Variants in SRGAP3 observed in about 807,000 individuals in gnomAD.
SRGAP3 encodes SLIT-ROBO Rho GTPase-activating protein 3.
SRGAP3 carries 39 observed loss-of-function variants against 121.1 expected under a neutral mutation model. The observed-to-expected ratio is 0.32, with a 90% CI of 0.25 to 0.42. The LOEUF (loss-of-function observed/expected upper bound fraction) is 0.42, where lower values mean the gene tolerates loss of function less well. Ranked by LOEUF, SRGAP3 falls within the 10% of genes least tolerant of loss-of-function variation. The pLI is 1.00. For synonymous variants in SRGAP3, 601 were observed against 570.0 expected, an observed-to-expected ratio of 1.05 and a Z score of -0.77; for missense variants, 1,213 against 1,470.6, an observed-to-expected ratio of 0.82 and a Z score of 2.86.
Position 9,126,539 on chromosome 3 carries a change from A to T in SRGAP3, c.68-1622T>A, listed in dbSNP as rs1281602212. Among the ~76,000 whole-genome samples, 3 of 152,154 alleles carry T rather than the reference A, an allele frequency of 2.0e-5. No individual in the cohort carries two copies. In the East Asian group the frequency reaches 5.8e-4, roughly 29 times the overall value. On this transcript the variant is annotated intron_variant, in intron 1 of 21. Transcript: ENST00000383836. ...CAGCTACTCTGGAGGCTGGGGCAGG[A>T]GAATCACTTGAACCCAGAAGGTGGA...
rs143988814 is a variant in SRGAP3 at position 9,171,302 on chromosome 3, A to G, written c.68-46385T>C. Among the ~76,000 whole-genome samples, 3 of 152,368 alleles carry G rather than the reference A, an allele frequency of 2.0e-5. No individual in the cohort carries two copies. In the East Asian group the frequency reaches 5.8e-4, roughly 29 times the overall value. ...CAAGTTCAGAGGCAGCCTCCAGCGC[A>G]TGGGAAGAGGGTGAGGCTGGGTCAG... On this transcript the variant is annotated intron_variant, in intron 1 of 21. Coordinates refer to ENST00000383836, the MANE Select transcript of SRGAP3 (RefSeq NM_014850.4).
At chr3:9,238,541 A>G (rs548591824) in intron 1 of SRGAP3, among the ~76,000 whole-genome samples, 1 of 152,246 alleles carries the variant, frequency 6.6e-6, no homozygotes, top group African/African-American at 2.4e-5. Flanking sequence ...CAAAGTGGAG[A>G]GTAAATCAGT....
rs563801439 is a variant in SRGAP3, at chr3:8,986,611, G to C, written c.2887-679C>G. Among the ~76,000 whole-genome samples the C allele has an allele frequency of 5.9e-5, 9 of 152,270 alleles. 1 individual carries two copies. In the South Asian group the frequency reaches 1.7e-3, roughly 28 times the overall value. On this transcript the variant is annotated intron_variant, in intron 21 of 21. Coordinates refer to ENST00000383836, the MANE Select transcript of SRGAP3 (RefSeq NM_014850.4). ...CCCAAGTCTGAACCCAGTCAGTTCA[G>C]TATTTTTTTAAAAATCCTTGCTCAC...
intron 5 of SRGAP3, among the ~76,000 whole-genome samples, chr3:9,062,082 T>C (rs975061444): frequency 1.2e-5 from 1 of 82,374 alleles, no homozygotes. Flanking sequence ...GCCATGCACC[T>C]GACCCCCCAC....
chr3:9,058,089 T>C (rs912554585), intron 7 of SRGAP3, among the ~76,000 whole-genome samples, 162 bp downstream of exon 7: 5 of 151,852 alleles, frequency 3.3e-5, no homozygotes, highest in African/African-American at 1.2e-4. Flanking sequence ...AAGATGAGGG[T>C]ATTAGTGGTA....
chr3:9,067,027 A>G (rs1161294597), intron 4 of SRGAP3, among the ~76,000 whole-genome samples: 1 of 152,146 alleles, frequency 6.6e-6, no homozygotes, highest in Non-Finnish European at 1.5e-5. Context: ...TGGGATAAAA[A>G]TTTACTTCCT....
chr3:9,357,603 A>G (rs543026779), intron 1 of SRGAP3, among the ~76,000 whole-genome samples: 7 of 152,182 alleles, frequency 4.6e-5, no homozygotes, highest in African/African-American at 1.7e-4. Flanking sequence ...AAAAGAAAAA[A>G]AAAAAAAAAG....
At chr3:9,018,584 G>T (rs990603485) in intron 14 of SRGAP3, among the ~76,000 whole-genome samples, 4 of 152,142 alleles carry the variant, frequency 2.6e-5, no homozygotes, top group African/African-American at 9.7e-5. Context: ...GTTTTGATTT[G>T]CATGAAATGT....
chr3:9,017,807 G>T (rs1281354505), intron 14 of SRGAP3, among the ~76,000 whole-genome samples: 4 of 152,182 alleles, frequency 2.6e-5, no homozygotes, highest in Admixed American at 6.5e-5. Flanking sequence ...TCAAGTCAGG[G>T]TATTTGAGGT....
rs1225563812 is a variant in SRGAP3, at chr3:8,985,983, G to A, written c.2887-51C>T. 1 of 1,599,084 alleles carries A rather than the reference G, an allele frequency of 6.3e-7. No homozygotes were observed. The highest frequency in any genetic ancestry group is 8.5e-7 in the Non-Finnish European group (1 of 1,179,734). On this transcript the variant is annotated intron_variant, in intron 21 of 21. Transcript: ENST00000383836. This position sits in a 1 kb window ranked among gnomAD's most constrained non-coding sequence, Gnocchi z 5.1. ...GCACAGTCTGGAGACCTGGAGTCAGGTCCTTCCTGTCTGCTAAGCAGCTTC... is the reference window on the plus strand; with the variant it reads ...GCACAGTCTGGAGACCTGGAGTCAGATCCTTCCTGTCTGCTAAGCAGCTTC...
At chr3:9,167,951 T>C (rs560979641) in intron 1 of SRGAP3, among the ~76,000 whole-genome samples, 1 of 152,268 alleles carries the variant, frequency 6.6e-6, no homozygotes. Flanking sequence ...CAAATAATGG[T>C]AGCTATAGCA....
upstream of SRGAP3, among the ~76,000 whole-genome samples, chr3:9,251,382 T>A (rs1187313341): frequency 6.6e-6 from 1 of 152,186 alleles, no homozygotes; most frequent in African/African-American, 2.4e-5. Flanking sequence ...GTTCAGGCCC[T>A]TTGCTGTCCT....
At chr3:9,271,457 T>A (rs1422676830) in intron 3 of SRGAP3, among the ~76,000 whole-genome samples, 1 of 152,226 alleles carries the variant, frequency 6.6e-6, no homozygotes, top group Non-Finnish European at 1.5e-5. Context: ...GGACAGCCTA[T>A]GTCCGAGACC....
intron 4 of SRGAP3, among the ~76,000 whole-genome samples, chr3:9,070,937 T>C (rs747750622): frequency 5.9e-5 from 9 of 152,162 alleles, no homozygotes. Flanking sequence ...ATGAAGGACG[T>C]ACTAGGCACC....
intron 18 of SRGAP3, chr3:9,007,940 A>G (rs2125010027): frequency 6.6e-6 from 1 of 152,380 alleles, no homozygotes; most frequent in East Asian, 1.9e-4. Context: ...TTTCCACCAA[A>G]GAGTGCCCCT....
intron 3 of SRGAP3, among the ~76,000 whole-genome samples, chr3:9,092,830 G>A (rs1230871887): frequency 6.6e-6 from 1 of 152,092 alleles, no homozygotes. Context: ...GTCCCACCCT[G>A]GCTTCCAAGT....
chr3:9,007,412 T>C (rs548082113), intron 18 of SRGAP3: 21 of 152,350 alleles, frequency 1.4e-4, no homozygotes, highest in African/African-American at 5.0e-4. Context: ...TGAGGCCTGC[T>C]GGATTCCATT....
At chr3:9,284,446 G>T (rs755514666) in intron 3 of SRGAP3, among the ~76,000 whole-genome samples, 3 of 152,238 alleles carry the variant, frequency 2.0e-5, no homozygotes, top group Non-Finnish European at 2.9e-5. Context: ...GCTGTCTAAG[G>T]TGCCAGAAGC....
chr3:9,047,622 G>C, intron 9 of SRGAP3, 147 bp from the exon 10 acceptor site: 1 of 770,074 alleles, frequency 1.3e-6, no homozygotes, highest in Non-Finnish European at 2.2e-6. Flanking sequence ...AGAGGCCTCT[G>C]CATCTGCGTC....
Sources: allele counts gnomAD v4.1 joint callset (sites outside exome capture counted in the v4.1 genomes callset), GRCh38; gene constraint gnomAD v4.1.1; non-coding constraint Gnocchi (gnomAD v3.1); transcripts MANE v1.5; gene names NCBI Gene and HGNC (gene_info 2026-07-23, HGNC 2026-07-21).